KBTBD8: variants seen among roughly 807,000 people sequenced by gnomAD.
KBTBD8 encodes the protein kelch repeat and BTB domain-containing protein 8.
KBTBD8 carries 31 observed loss-of-function variants against 53.5 expected under a neutral mutation model. The ratio of observed to expected loss-of-function variants is 0.58; its 90% CI spans 0.44 to 0.78. The LOEUF (loss-of-function observed/expected upper bound fraction) is 0.78. Ranked by LOEUF, KBTBD8 falls within the 30% of genes least tolerant of loss-of-function variation. The pLI, the probability that KBTBD8 is intolerant of heterozygous loss-of-function variation, is 0.00. For synonymous variants in KBTBD8, 250 were observed against 247.3 expected, an observed-to-expected ratio of 1.01 and a Z score of -0.10; for missense variants, 642 against 735.8, an observed-to-expected ratio of 0.87 and a Z score of 1.48.
In KBTBD8 at chr3:66,999,136, G is replaced by T; in HGVS notation, c.172G>T (p.Gly58Trp). The T allele has an allele frequency of 1.2e-6, 2 of 1,614,140 alleles. No individual in the cohort carries two copies. Among genetic ancestry groups the T allele is most frequent in the Non-Finnish European group, 1.7e-6 (2 of 1,180,002 alleles). ...LTDIVVEVDH[G>W]KTFSCHRNVL... ...AGACATTGTAGTGGAAGTGGATCAC[G>T]GGAAAACATTTTCCTGTCATAGAAA... The change falls in exon 2 of 4, where the codon GGG becomes TGG. Residue 58 changes from glycine (G) to tryptophan (W), a missense_variant. By Grantham distance (184) the Gly-to-Trp change is radical. Coordinates refer to ENST00000417314, the MANE Select transcript of KBTBD8 (RefSeq NM_032505.3).
intron 1 of KBTBD8, 30 bp from the exon 2 acceptor site, chr3:66,998,950 TC>T: frequency 6.5e-7 from 1 of 1,527,588 alleles, no homozygotes. Flanking sequence ...GCTCGGCACT[TC>T]TTGTAGTTGT....
At position 67,003,600 on chromosome 3, in the gene KBTBD8, G is replaced by A. The variant is rs778218952; in HGVS notation, c.633G>A (p.Glu211=). The change falls in exon 3 of 4, where the codon GAG becomes GAA. Residue 211 remains glutamate, a synonymous_variant. Transcript: ENST00000417314. ...ACGATTTAAATGTAGACCGAGAAGA[G>A]CATGTTTATGAAAGCATTATAAGGT... ...DSDDLNVDRE[E]HVYESIIRWF... is the part of the protein sequence containing the mutation. 1.2e-6 allele frequency: 2 copies of A among 1,613,990 alleles called. No individual in the cohort carries two copies. The highest frequency in any genetic ancestry group is 1.7e-6 in the Non-Finnish European group (2 of 1,179,908).
chr3:67,005,081 CAG>C (rs560094710), intron 3 of KBTBD8, among the ~76,000 whole-genome samples: 169 of 152,234 alleles, frequency 1.1e-3, no homozygotes, highest in Non-Finnish European at 2.0e-3. Context: ...GTGACTGAGT[CAG>C]AGTAAATAAG....
rs1702085821 is a variant in KBTBD8 at position 67,008,140 on chromosome 3, A to G, written c.1561A>G (p.Ile521Val). 1 of 1,614,170 alleles carries G rather than the reference A, an allele frequency of 6.2e-7. No homozygotes were observed. Residue 521 changes from isoleucine (I) to valine (V), a missense_variant, in exon 4 of 4, where the codon ATA becomes GTA. Ile to Val is a conservative substitution (Grantham distance 29). Transcript: ENST00000417314. Reference sequence around the variant, plus strand: ...GAAAGACTTTCCATGTGATCAGTCCATAAATCCATACCTTAAACTGGTACT... The same window carrying G: ...GAAAGACTTTCCATGTGATCAGTCCGTAAATCCATACCTTAAACTGGTACT... ...RKKDFPCDQS[I>V]NPYLKLVLFQ...
Position 67,003,457 on chromosome 3 carries a change from C to A in KBTBD8, c.490C>A (p.His164Asn). 6.2e-7 allele frequency: 1 copy of A among 1,614,116 alleles called. No individual in the cohort carries two copies. Among genetic ancestry groups the A allele is most frequent in the Non-Finnish European group, 8.5e-7 (1 of 1,180,016 alleles). The change falls in exon 3 of 4, where the codon CAT becomes AAT. Residue 164 changes from histidine (H) to asparagine (N), a missense_variant. Transcript: ENST00000417314. ...CTTTATCTTTGCTGATCATTATGGT[C>A]ATCAGGAACTCGGAGATCGATCAAA... is the stretch of plus-strand genomic sequence containing the variant. Reference protein sequence around the residue: ...GVFIFADHYGHQELGDRSKEY... With the variant: ...GVFIFADHYGNQELGDRSKEY...
In KBTBD8 at chr3:67,004,314, G is replaced by A. The variant is rs763584080; in HGVS notation, c.1342+5G>A. Reference sequence around the variant, plus strand: ...AGAAGATCTATGTTTTACAGGGTAGGTGCCTAAGTGATTTAGTTTTTCATG... The same window carrying A: ...AGAAGATCTATGTTTTACAGGGTAGATGCCTAAGTGATTTAGTTTTTCATG... On this transcript the variant is annotated splice_donor_5th_base_variant and intron_variant, in intron 3 of 3. Transcript: ENST00000417314. 9.3e-6 allele frequency: 15 copies of A among 1,604,730 alleles called. No homozygotes were observed. In the Admixed American group the frequency reaches 2.2e-4, roughly 23 times the overall value.
Position 66,999,089 on chromosome 3 carries a change from T to C in KBTBD8, c.125T>C (p.Met42Thr). ...ACSILKQLKT[M>T]YDEGQLTDIV... ...AGTATTCTTAAGCAACTCAAAACAA[T>C]GTACGATGAAGGACAGTTGACAGAC... Residue 42 changes from methionine (M) to threonine (T), a missense_variant, in exon 2 of 4, where the codon ATG becomes ACG. Physicochemically the swap from Met to Thr is moderately conservative, Grantham distance 81 (BLOSUM62 -1). Coordinates refer to ENST00000417314, the MANE Select transcript of KBTBD8 (RefSeq NM_032505.3). 6.2e-7 allele frequency: 1 copy of C among 1,614,074 alleles called. No individual in the cohort carries two copies. Among genetic ancestry groups the C allele is most frequent in the Non-Finnish European group, 8.5e-7 (1 of 1,179,996 alleles).
intron 2 of KBTBD8, among the ~76,000 whole-genome samples, chr3:67,001,698 A>C (rs1702020021): frequency 6.6e-6 from 1 of 152,222 alleles, no homozygotes; most frequent in South Asian, 2.1e-4. Flanking sequence ...TTTAGTCATC[A>C]AAAAAGCCAG....
intron 2 of KBTBD8, among the ~76,000 whole-genome samples, chr3:67,002,808 T>C (rs575503792): frequency 2.0e-5 from 3 of 152,256 alleles, no homozygotes; most frequent in Admixed American, 2.0e-4. Context: ...GCCAGTATTC[T>C]TAAGCTTTCT....
Position 66,999,186 on chromosome 3 carries a change from C to T in KBTBD8, c.222C>T (p.Tyr74=), listed in dbSNP as rs747975621. 4 of 1,613,608 alleles carry T rather than the reference C, an allele frequency of 2.5e-6. No homozygotes were observed. Among genetic ancestry groups the T allele is most frequent in the Admixed American group, 3.3e-5 (2 of 60,012 alleles). The stretch of plus-strand genomic sequence containing the variant: ...ACGTTCTTGCTGCAATCAGCCCTTA[C>T]TTCAGGTATGATGATGGTAGGAACT... ...HRNVLAAISP[Y]FRSMFTSGLT... is the part of the protein sequence containing the mutation. The change falls in exon 2 of 4, where the codon TAC becomes TAT. Residue 74 remains tyrosine (Y), a synonymous_variant. Coordinates refer to ENST00000417314, the MANE Select transcript of KBTBD8 (RefSeq NM_032505.3).
Position 67,003,294 on chromosome 3 carries a change from C to T in KBTBD8, c.327C>T (p.Tyr109=). Residue 109 remains tyrosine, a synonymous_variant, in exon 3 of 4, where the codon TAC becomes TAT. Transcript: ENST00000417314. ...ESMDLVLNYA[Y]TSRVILTEAN... ...TGGATTTAGTGTTGAACTATGCCTA[C>T]ACTTCCAGAGTTATTCTTACAGAGG... 1 of 1,614,158 alleles carries T rather than the reference C, an allele frequency of 6.2e-7. No homozygotes were observed. The highest frequency in any genetic ancestry group is 8.5e-7 in the Non-Finnish European group (1 of 1,179,996).
At chr3:66,998,771 G>A (rs1336872330) in intron 1 of KBTBD8, among the ~76,000 whole-genome samples, 1 of 152,220 alleles carries the variant, frequency 6.6e-6, no homozygotes, top group Non-Finnish European at 1.5e-5. Flanking sequence ...GAGCAGGCTG[G>A]CCTTTGAACT....
intron 3 of KBTBD8, among the ~76,000 whole-genome samples, chr3:67,004,859 G>T (rs1306201047): frequency 6.6e-6 from 1 of 152,190 alleles, no homozygotes; most frequent in Non-Finnish European, 1.5e-5. Flanking sequence ...TGGAAGTATG[G>T]TCTTCAAGTT....
Position 67,008,022 on chromosome 3 carries a change from C to G in KBTBD8, c.1443C>G (p.Asp481Glu). The change falls in exon 4 of 4, where the codon GAC becomes GAG. Residue 481 changes from aspartate to glutamate, a missense_variant. By Grantham distance (45) the Asp-to-Glu change is conservative (BLOSUM62 2). Coordinates refer to ENST00000417314, the MANE Select transcript of KBTBD8 (RefSeq NM_032505.3). ...RIQGLAAVYK[D>E]SIYYIAGTCG... The stretch of plus-strand genomic sequence containing the variant: ...AGGGCTTAGCAGCTGTATACAAGGA[C>G]TCTATCTACTACATAGCTGGAACCT... The G allele has an allele frequency of 6.2e-7, 1 of 1,613,250 alleles. No individual in the cohort carries two copies. The highest frequency in any genetic ancestry group is 8.5e-7 in the Non-Finnish European group (1 of 1,179,518).
rs1192167893 is a variant in KBTBD8, at chr3:67,004,157, G to A, written c.1190G>A (p.Gly397Asp). The change falls in exon 3 of 4, where the codon GGT becomes GAT. Residue 397 changes from glycine (G) to aspartate (D), a missense_variant. By Grantham distance (94) the Gly-to-Asp change is moderately conservative. Transcript: ENST00000417314. ...YCCGKMYAIG[G>D]RVYEGDGRNS... Reference sequence around the variant, plus strand: ...TGTGGTAAAATGTATGCAATCGGAGGTCGTGTTTATGAAGGTGATGGGAGA... The same window carrying A: ...TGTGGTAAAATGTATGCAATCGGAGATCGTGTTTATGAAGGTGATGGGAGA... The A allele has an allele frequency of 1.2e-6, 2 of 1,614,084 alleles. No homozygotes were observed. Among genetic ancestry groups the A allele is most frequent in the South Asian group, 1.1e-5 (1 of 91,082 alleles).
In KBTBD8 at chr3:66,998,993, C is replaced by A. The variant is rs771967117; in HGVS notation, c.29C>A (p.Ser10Tyr). The change falls in exon 2 of 4, where the codon TCT becomes TAT. Residue 10 changes from serine to tyrosine, a missense_variant. By Grantham distance (144) the Ser-to-Tyr change is moderately radical. Transcript: ENST00000417314. MAASADLSK[S>Y]SPTPNGIPSS... ...TTTCTCCTCCTAGATTTAAGTAAGT[C>A]TTCCCCAACACCGAATGGGATTCCA... 2.5e-6 allele frequency: 4 copies of A among 1,605,398 alleles called. No individual in the cohort carries two copies. The highest frequency in any genetic ancestry group is 1.3e-5 in the African/African-American group (1 of 74,878).
In KBTBD8 at chr3:67,004,235, CTGTT is replaced by C. The variant is rs756313780; in HGVS notation, c.1271_1274del (p.Val424AlafsTer40). 28 of 1,614,148 alleles carry C rather than the reference CTGTT, an allele frequency of 1.7e-5. No individual in the cohort carries two copies. Among genetic ancestry groups the C allele is most frequent in the Admixed American group, 3.3e-5 (2 of 60,028 alleles). Reference sequence around the variant, plus strand: ...GACAGTAGAGAGAATTGTTGGACGACTGTTTGCGCGATGCCAGTTGCAATGGAAT... The same window carrying C: ...GACAGTAGAGAGAATTGTTGGACGACTGCGCGATGCCAGTTGCAATGGAAT... On this transcript the variant is annotated frameshift_variant, in exon 3 of 4. Coordinates refer to ENST00000417314, the MANE Select transcript of KBTBD8 (RefSeq NM_032505.3). LOFTEE classifies it high-confidence loss of function.
At chr3:67,002,157 G>C (rs1702023286) in intron 2 of KBTBD8, among the ~76,000 whole-genome samples, 1 of 152,174 alleles carries the variant, frequency 6.6e-6, no homozygotes, top group Non-Finnish European at 1.5e-5. Flanking sequence ...CAGGCATTAT[G>C]TATTGACTCT....
At chr3:67,002,198 G>A (rs1294131441) in intron 2 of KBTBD8, among the ~76,000 whole-genome samples, 2 of 152,144 alleles carry the variant, frequency 1.3e-5, no homozygotes, top group East Asian at 1.9e-4. Flanking sequence ...CTAGATTTAG[G>A]TAGGTAAAAT....
Sources: gnomAD v4.1 joint callset for allele counts (sites outside exome capture counted in the v4.1 genomes callset) on GRCh38, gnomAD v4.1.1 for gene constraint, MANE v1.5 for transcripts, NCBI Gene and HGNC (gene_info 2026-07-23, HGNC 2026-07-21) for gene names.